SCIN: variants seen among roughly 807,000 people sequenced by gnomAD.
SCIN encodes scinderin.
Under a neutral mutation model 91.8 loss-of-function variants are expected in SCIN, and 91 were observed. The observed-to-expected ratio is 0.99, with a 90% CI of 0.84 to 1.18. SCIN has a LOEUF of 1.18. Among genes scored for constraint, SCIN ranks in the 50% most tolerant of loss-of-function variants. The pLI is 0.00. For synonymous variants in SCIN, 367 were observed against 312.6 expected (o/e 1.17, Z -1.84); for missense variants, 1,087 against 863.9 (o/e 1.26, Z -3.24).
chr7:12,599,267 G>A (rs929713117), intron 3 of SCIN, among the ~76,000 whole-genome samples: 2 of 152,136 alleles, frequency 1.3e-5, no homozygotes, highest in African/African-American at 2.4e-5. Flanking sequence ...ATTATTAGAA[G>A]TCTGTATTCT....
chr7:12,614,137 C>T (rs1387029200), intron 4 of SCIN, among the ~76,000 whole-genome samples: 1 of 152,148 alleles, frequency 6.6e-6, no homozygotes, highest in African/African-American at 2.4e-5. Flanking sequence ...TTGTGATATT[C>T]ACTGTTATGG....
intron 9 of SCIN, among the ~76,000 whole-genome samples, chr7:12,631,278 C>G (rs1050141631): frequency 6.6e-6 from 1 of 152,140 alleles, no homozygotes; most frequent in African/African-American, 2.4e-5. Context: ...GGAAAGAAAA[C>G]TATAACCCGT....
intron 1 of SCIN, chr7:12,577,846 A>G: frequency 2.2e-6 from 1 of 459,672 alleles, no homozygotes; most frequent in South Asian, 2.8e-5. Context: ...ACAGAGCAAC[A>G]CCCTCTCTCA....
intron 15 of SCIN, 120 bp downstream of exon 15, chr7:12,652,021 C>A (rs557799684): frequency 3.2e-4 from 207 of 641,316 alleles, no homozygotes; most frequent in Admixed American, 1.3e-3. Flanking sequence ...AGTAGCTTAG[C>A]ATTCCTCCTC....
At chr7:12,597,335 A>G (rs1031554054) in intron 3 of SCIN, among the ~76,000 whole-genome samples, 8 of 152,232 alleles carry the variant, frequency 5.3e-5, no homozygotes, top group Non-Finnish European at 1.2e-4. Context: ...AGACAAAGCC[A>G]ATAGATGCCA....
At chr7:12,622,407 T>C (rs1783428258) in intron 4 of SCIN, among the ~76,000 whole-genome samples, 1 of 152,138 alleles carries the variant, frequency 6.6e-6, no homozygotes, top group South Asian at 2.1e-4. Flanking sequence ...ATCTTTATTA[T>C]AATAAACTCA....
intron 3 of SCIN, among the ~76,000 whole-genome samples, chr7:12,588,270 G>A (rs1327593515): frequency 1.3e-5 from 2 of 152,222 alleles, no homozygotes; most frequent in Admixed American, 6.5e-5. Context: ...CCTAGTGCGT[G>A]CCGAGTGAAT....
chr7:12,616,305 T>C (rs991976913), intron 4 of SCIN, among the ~76,000 whole-genome samples: 4 of 151,970 alleles, frequency 2.6e-5, no homozygotes, highest in African/African-American at 7.3e-5. Context: ...TCATGAATAG[T>C]TTGACATTAT....
intron 4 of SCIN, among the ~76,000 whole-genome samples, chr7:12,611,422 GT>G (rs1437300151): frequency 1.3e-5 from 2 of 152,224 alleles, no homozygotes; most frequent in Admixed American, 1.3e-4. Flanking sequence ...ATTCCTTAAA[GT>G]TTTTCTGTGG....
intron 9 of SCIN, among the ~76,000 whole-genome samples, chr7:12,630,348 C>G: frequency 6.6e-6 from 1 of 152,188 alleles, no homozygotes; most frequent in East Asian, 1.9e-4. Context: ...GCAAGGACCT[C>G]AAGTAATTCA....
Position 12,570,840 on chromosome 7 carries a change from G to C in SCIN, c.54G>C (p.Gly18=). ...EEFARAGKQA[G]LQVWRIEKLE... ...TCGCCCGGGCGGGCAAGCAGGCGGG[G>C]CTGCAGGTCTGGAGGATTGAGAAGC... The change falls in exon 1 of 16, where the codon GGG becomes GGC. Residue 18 remains glycine, a synonymous_variant. Transcript: ENST00000297029. 1 of 1,551,628 alleles carries C rather than the reference G, an allele frequency of 6.4e-7. No individual in the cohort carries two copies. Among genetic ancestry groups the C allele is most frequent in the East Asian group, 2.4e-5 (1 of 40,910 alleles).
chr7:12,598,935 A>T (rs1047162341), intron 3 of SCIN, among the ~76,000 whole-genome samples: 2 of 152,168 alleles, frequency 1.3e-5, no homozygotes, highest in African/African-American at 4.8e-5. Context: ...GAAAGAAAAA[A>T]AAACAGTGTT....
intron 3 of SCIN, among the ~76,000 whole-genome samples, chr7:12,590,961 T>C (rs995928488): frequency 3.9e-5 from 6 of 152,104 alleles, no homozygotes; most frequent in African/African-American, 1.4e-4. Context: ...AGCTATGAGT[T>C]CTGCTTTTTG....
intron 5 of SCIN, among the ~76,000 whole-genome samples, chr7:12,623,344 G>T (rs1311804446): frequency 6.6e-6 from 1 of 152,082 alleles, no homozygotes; most frequent in South Asian, 2.1e-4. Context: ...GAAACAGCTG[G>T]AGGGAAACAG....
intron 3 of SCIN, among the ~76,000 whole-genome samples, chr7:12,598,701 T>A (rs1489450933): frequency 1.3e-5 from 2 of 151,904 alleles, no homozygotes; most frequent in Non-Finnish European, 2.9e-5. Flanking sequence ...GAGACCAGCT[T>A]GGGCAACATG....
chr7:12,647,911 C>T (rs1357615183), intron 13 of SCIN, among the ~76,000 whole-genome samples: 2 of 152,100 alleles, frequency 1.3e-5, no homozygotes, highest in Admixed American at 6.5e-5. Flanking sequence ...CACAAAAAGG[C>T]CCTTGCTGAG....
chr7:12,638,927 C>G (rs1415518217), intron 10 of SCIN, among the ~76,000 whole-genome samples: 1 of 152,228 alleles, frequency 6.6e-6, no homozygotes, highest in Non-Finnish European at 1.5e-5. Context: ...CATGCATTGT[C>G]TTACATATTT....
intron 3 of SCIN, among the ~76,000 whole-genome samples, chr7:12,594,758 G>T (rs1344414138): frequency 6.6e-6 from 1 of 152,122 alleles, no homozygotes; most frequent in African/African-American, 2.4e-5. Context: ...TGTCTTGCAG[G>T]CCTTGTATGG....
rs1275166537 is a variant in SCIN, at chr7:12,578,133, G to A, written c.269G>A (p.Gly90Asp). Reference protein sequence around the residue: ...IFTVQMDDYLGGKPVQNRELQ... With the variant: ...IFTVQMDDYLDGKPVQNRELQ... ...ACTGTTCAGATGGATGACTATTTGGGTGGCAAGCCAGTGCAGAATAGAGAA... is the reference window on the plus strand; with the variant it reads ...ACTGTTCAGATGGATGACTATTTGGATGGCAAGCCAGTGCAGAATAGAGAA... The change falls in exon 2 of 16, where the codon GGT (glycine) becomes GAT (aspartate). Residue 90 changes from glycine to aspartate, a missense_variant. By Grantham distance (94) the Gly-to-Asp change is moderately conservative. Transcript: ENST00000297029. The A allele has an allele frequency of 1.9e-6, 3 of 1,551,190 alleles. No homozygotes were observed. Among genetic ancestry groups the A allele is most frequent in the East Asian group, 2.4e-5 (1 of 40,876 alleles).
Sources: allele counts gnomAD v4.1 joint callset (sites outside exome capture counted in the v4.1 genomes callset), GRCh38; gene constraint gnomAD v4.1.1; transcripts MANE v1.5; gene names NCBI Gene and HGNC (gene_info 2026-07-23, HGNC 2026-07-21).